NDST2: variants seen among roughly 807,000 people sequenced by gnomAD.
NDST2 encodes the protein N-deacetylase and N-sulfotransferase 2.
NDST2 carries 32 observed loss-of-function variants against 86.9 expected under a neutral mutation model. The observed-to-expected ratio is 0.37, with a 90% confidence interval of 0.28 to 0.49. The LOEUF (loss-of-function observed/expected upper bound fraction) is 0.49. NDST2 is among the 20% of genes least tolerant of loss of function. The probability of loss-of-function intolerance (pLI) is 0.97; values close to 1 mark genes in which losing one functional copy is unlikely to be tolerated. For missense variants in NDST2, 950 were observed against 1,146.9 expected (o/e 0.83, Z 2.48); for synonymous variants, 409 against 437.0 (o/e 0.94, Z 0.80).
chr10:73,806,181 T>C lies in NDST2; in HGVS notation c.1434+108A>G, dbSNP rs1397641746. On this transcript the variant is annotated intron_variant, in intron 6 of 14. Coordinates refer to ENST00000309979, the MANE Select transcript of NDST2 (RefSeq NM_003635.4). This position sits in a 1 kb window ranked among gnomAD's most constrained non-coding sequence, Gnocchi z 4.5. ...TTTTTCACCTTTCTACCCCCAATTATGTACCCCCATACTTGGACTGGCAGT... is the reference window on the plus strand; with the variant it reads ...TTTTTCACCTTTCTACCCCCAATTACGTACCCCCATACTTGGACTGGCAGT... 2.6e-6 allele frequency: 4 copies of C among 1,539,464 alleles called. No individual in the cohort carries two copies. Among genetic ancestry groups the C allele is most frequent in the African/African-American group, 1.4e-5 (1 of 73,326 alleles).
At chr10:73,810,982 G>A in intron 1 of NDST2, 79 bp from the exon 2 acceptor site, 2 of 397,942 alleles carry the variant, frequency 5.0e-6, no homozygotes, top group Non-Finnish European at 8.9e-6. Flanking sequence ...GGGCCAGCAG[G>A]GCTGGGCGGG....
intron 10 of NDST2, 53 bp downstream of exon 10, chr10:73,803,840 T>G: frequency 6.2e-7 from 1 of 1,613,792 alleles, no homozygotes; most frequent in South Asian, 1.1e-5. Flanking sequence ...ATGGGGTATT[T>G]TGGGGGAAGG....
chr10:73,810,717 A>ACACCAGCC (rs1330699974), intron 2 of NDST2, 82 bp downstream of exon 2: 2 of 397,498 alleles, frequency 5.0e-6, no homozygotes, highest in Non-Finnish European at 8.9e-6. Flanking sequence ...TTTAATCTTC[A>ACACCAGCC]CACCAGCCCT....
At position 73,807,109 on chromosome 10, in the gene NDST2, A is replaced by C. The variant is rs779984389; in HGVS notation, c.1092T>G (p.Thr364=). Residue 364 remains threonine, a splice_region_variant and synonymous_variant, in exon 4 of 15, where the codon ACT becomes ACG. Coordinates refer to ENST00000309979, the MANE Select transcript of NDST2 (RefSeq NM_003635.4). The stretch of plus-strand genomic sequence containing the variant: ...AAAGGAGTAGGGGTATAAGCTCACC[A>C]GTATGATAGAACTTGCCCGAGAAGC... The part of the protein sequence containing the change: ...NLGFSGKFYH[T]GTEEEDAGDD... The C allele has an allele frequency of 6.2e-7, 1 of 1,613,436 alleles. No individual in the cohort carries two copies. The highest frequency in any genetic ancestry group is 8.5e-7 in the Non-Finnish European group (1 of 1,179,418).
chr10:73,807,245 G>C, intron 3 of NDST2, 50 bp from the exon 4 acceptor site: 1 of 1,568,382 alleles, frequency 6.4e-7, no homozygotes. Flanking sequence ...GACTGAACAG[G>C]AAATACATGA....
intron 12 of NDST2, 39 bp downstream of exon 12, chr10:73,803,150 G>T: frequency 6.2e-7 from 1 of 1,613,748 alleles, no homozygotes; most frequent in Non-Finnish European, 8.5e-7. Context: ...AAGAAGAGGG[G>T]AAGGGGAACC....
In NDST2 at chr10:73,802,233, G is replaced by C; in HGVS notation, c.*218C>G. Reference sequence around the variant, plus strand: ...CACCTCCCAAGATGATGGGTCAAAGGTACCTAGCACTATTATGTGGGGTAC... The same window carrying C: ...CACCTCCCAAGATGATGGGTCAAAGCTACCTAGCACTATTATGTGGGGTAC... On this transcript the variant is annotated 3_prime_UTR_variant, in exon 15 of 15. Coordinates refer to ENST00000309979, the MANE Select transcript of NDST2 (RefSeq NM_003635.4). 1.7e-6 allele frequency: 1 copy of C among 602,740 alleles called. No homozygotes were observed. The highest frequency in any genetic ancestry group is 2.9e-6 in the Non-Finnish European group (1 of 342,198). 37.3% of individuals were successfully genotyped at this position (602,740 alleles called of 1,614,324 possible).
rs1234095148 is a variant in NDST2, at chr10:73,808,161, C to A, written c.228G>T (p.Arg76Ser). Residue 76 changes from arginine to serine, a missense_variant, in exon 3 of 15, where the codon AGG becomes AGT. This residue lies in a region of NDST2 where 586 missense variants were observed against 714.0 expected (regional missense o/e 0.82). Coordinates refer to ENST00000309979, the MANE Select transcript of NDST2 (RefSeq NM_003635.4). The surrounding 1 kb of genome is among the most constrained non-coding windows in gnomAD (Gnocchi z 4.3). ...GTTCAGTTCGAGCTGTCTCTGGAGG[C>A]CTGGGGGGCCGAGGTGGAACTGGAG... ...ARPPVPPRPPRPPETARTEPV... is the reference protein window; with the variant it reads ...ARPPVPPRPPSPPETARTEPV... 1 of 1,614,192 alleles carries A rather than the reference C, an allele frequency of 6.2e-7. No individual in the cohort carries two copies. The highest frequency in any genetic ancestry group is 8.5e-7 in the Non-Finnish European group (1 of 1,180,032).
At chr10:73,807,244 G>A (rs1022824167) in intron 3 of NDST2, 49 bp from the exon 4 acceptor site, 5 of 1,568,696 alleles carry the variant, frequency 3.2e-6, no homozygotes, top group Non-Finnish European at 3.5e-6. Context: ...AGACTGAACA[G>A]GAAATACATG....
Position 73,806,912 on chromosome 10 carries a change from AG to A in NDST2, c.1094-102del. 8 of 1,560,942 alleles carry A rather than the reference AG, an allele frequency of 5.1e-6. No homozygotes were observed. The highest frequency in any genetic ancestry group is 7.0e-6 in the Non-Finnish European group (8 of 1,147,872). On this transcript the variant is annotated intron_variant, in intron 4 of 14. Coordinates refer to ENST00000309979, the MANE Select transcript of NDST2 (RefSeq NM_003635.4). The surrounding 1 kb of genome is among the most constrained non-coding windows in gnomAD (Gnocchi z 4.5). ...ACCTTCCATCCCTGATCCTTGCCTA[AG>A]ACTTTCTATTTGCCCCACTGCCAAC... is the stretch of plus-strand genomic sequence containing the variant.
At position 73,807,483 on chromosome 10, in the gene NDST2, G is replaced by C; in HGVS notation, c.906C>G (p.Gly302=). 6.2e-7 allele frequency: 1 copy of C among 1,614,224 alleles called. No individual in the cohort carries two copies. Among genetic ancestry groups the C allele is most frequent in the African/African-American group, 1.3e-5 (1 of 75,058 alleles). ...IFVDAVAYLT[G]KRLCLDLDRY... ...GGTCAAGGTCCAGGCAGAGGCGCTT[G>C]CCAGTGAGGTATGCAACAGCATCAA... The change falls in exon 3 of 15, where the codon GGC becomes GGG. Residue 302 remains glycine, a synonymous_variant. Coordinates refer to ENST00000309979, the MANE Select transcript of NDST2 (RefSeq NM_003635.4).
rs1171949997 is a variant in NDST2 at position 73,805,610 on chromosome 10, G to C, written c.1723C>G (p.Gln575Glu). The change falls in exon 8 of 15, where the codon CAG (glutamine) becomes GAG (glutamate). Residue 575 changes from glutamine (Q) to glutamate (E), a missense_variant. By Grantham distance (29) the Gln-to-Glu change is conservative. Around this residue, in one of 5 missense-constraint regions of NDST2, gnomAD observed 586 missense variants for 714.0 expected, o/e 0.82. Transcript: ENST00000309979. ...LAQKYFELFPQERSPLWQNPC... is the reference protein window; with the variant it reads ...LAQKYFELFPEERSPLWQNPC... ...ACCTGCCAAAGGGGGCTTCGCTCCT[G>C]AGGGAAAAGTTCAAAGTACTTCTGT... 3 of 1,614,176 alleles carry C rather than the reference G, an allele frequency of 1.9e-6. No homozygotes were observed. The South Asian group carries it at 3.3e-5, about 18-fold the overall frequency.
chr10:73,806,585 A>C lies in NDST2; in HGVS notation c.1248+72T>G. 1.3e-6 allele frequency: 2 copies of C among 1,587,178 alleles called. No individual in the cohort carries two copies. The highest frequency in any genetic ancestry group is 1.7e-6 in the Non-Finnish European group (2 of 1,160,798). ...AAAACGCAAAGGATAGGAAAAGGGT[A>C]GCCCATTAGGGGAAGGTAGAAAAGG... On this transcript the variant is annotated intron_variant, in intron 5 of 14. Coordinates refer to ENST00000309979, the MANE Select transcript of NDST2 (RefSeq NM_003635.4). This position sits in a 1 kb window ranked among gnomAD's most constrained non-coding sequence, Gnocchi z 4.5.
chr10:73,802,560 G>GT lies in NDST2; in HGVS notation c.2542dup (p.Thr848AsnfsTer8), dbSNP rs768180854. The GT allele has an allele frequency of 5.6e-6, 9 of 1,614,122 alleles. No individual in the cohort carries two copies. In the East Asian group the frequency reaches 2.0e-4, roughly 36 times the overall value. ...CAAATTATGGTTCCGGAAAAAATCCGTAAGGAAAAGACGGGACTGACAGGA... is the reference window on the plus strand; with the variant it reads ...CAAATTATGGTTCCGGAAAAAATCCGTTAAGGAAAAGACGGGACTGACAGGA... On this transcript the variant is annotated frameshift_variant, in exon 15 of 15. Transcript: ENST00000309979. LOFTEE classifies it high-confidence loss of function.
rs1406800706 is a variant in NDST2, at chr10:73,807,944, G to C, written c.445C>G (p.Leu149Val). The C allele has an allele frequency of 1.9e-6, 3 of 1,614,240 alleles. No homozygotes were observed. Among genetic ancestry groups the C allele is most frequent in the Non-Finnish European group, 2.5e-6 (3 of 1,180,042 alleles). The change falls in exon 3 of 15, where the codon CTG becomes GTG. Residue 149 changes from leucine to valine, a missense_variant. By Grantham distance (32) the Leu-to-Val change is conservative. Coordinates refer to ENST00000309979, the MANE Select transcript of NDST2 (RefSeq NM_003635.4). Reference protein sequence around the residue: ...IYENLLKYVNLDAWSRELLDR... With the variant: ...IYENLLKYVNVDAWSRELLDR... Reference sequence around the variant, plus strand: ...AGCAGTTCCCGACTCCAGGCATCCAGGTTGACATACTTGAGCAGGTTCTCA... The same window carrying C: ...AGCAGTTCCCGACTCCAGGCATCCACGTTGACATACTTGAGCAGGTTCTCA...
At chr10:73,804,559 C>T (rs1252737447) in intron 9 of NDST2, among the ~76,000 whole-genome samples, 1 of 152,004 alleles carries the variant, frequency 6.6e-6, no homozygotes, top group African/African-American at 2.4e-5. Flanking sequence ...ATTGCCTGAA[C>T]CTGGGAGGTG....
chr10:73,802,238 T>C lies in NDST2; in HGVS notation c.*213A>G. ...CCCAAGATGATGGGTCAAAGGTACC[T>C]AGCACTATTATGTGGGGTACCAAAG... On this transcript the variant is annotated 3_prime_UTR_variant, in exon 15 of 15. Coordinates refer to ENST00000309979, the MANE Select transcript of NDST2 (RefSeq NM_003635.4). The C allele has an allele frequency of 1.6e-6, 1 of 607,736 alleles. No individual in the cohort carries two copies. 37.6% of individuals were successfully genotyped at this position (607,736 alleles called of 1,614,324 possible). A position where few individuals can be genotyped will look rare whatever the true frequency, so the allele number is the denominator to read the frequency against.
chr10:73,807,248 A>G (rs969877830), intron 3 of NDST2, 53 bp from the exon 4 acceptor site: 21 of 1,567,700 alleles, frequency 1.3e-5, no homozygotes, highest in African/African-American at 4.1e-5. Flanking sequence ...TGAACAGGAA[A>G]TACATGAGAA....
In NDST2 at chr10:73,808,176, T is replaced by C. The variant is rs1427381536; in HGVS notation, c.213A>G (p.Pro71=). The C allele has an allele frequency of 1.9e-6, 3 of 1,614,024 alleles. No individual in the cohort carries two copies. Among genetic ancestry groups the C allele is most frequent in the East Asian group, 2.2e-5 (1 of 44,868 alleles). ...TCTCTGGAGGCCTGGGGGGCCGAGG[T>C]GGAACTGGAGGCCGTGCAGGGCCAG... ...AGPGPARPPV[P]PRPPRPPETA... is the part of the protein sequence containing the mutation. Residue 71 remains proline (P), a synonymous_variant, in exon 3 of 15, where the codon CCA becomes CCG. Coordinates refer to ENST00000309979, the MANE Select transcript of NDST2 (RefSeq NM_003635.4). This position sits in a 1 kb window ranked among gnomAD's most constrained non-coding sequence, Gnocchi z 4.3.
Sources: gnomAD v4.1 joint callset for allele counts (sites outside exome capture counted in the v4.1 genomes callset) on GRCh38, gnomAD v4.1.1 for gene constraint, gnomAD v4.1.1 regional missense constraint, Gnocchi (gnomAD v3.1) non-coding constraint, MANE v1.5 for transcripts, NCBI Gene and HGNC (gene_info 2026-07-23, HGNC 2026-07-21) for gene names.